TENM2: variants seen among roughly 807,000 people sequenced by gnomAD.
The protein encoded by TENM2 is teneurin transmembrane protein 2, also known as teneurin-2.
Under a neutral mutation model 245.2 loss-of-function variants are expected in TENM2, and 52 were observed. The observed-to-expected ratio is 0.21, with a 90% confidence interval of 0.17 to 0.27. The LOEUF is 0.27. Ranked by LOEUF, TENM2 falls within the 10% of genes least tolerant of loss-of-function variation. The pLI is 1.00. For synonymous variants in TENM2, 1,363 were observed against 1,438.9 expected (o/e 0.95, Z 1.19); for missense variants, 3,046 against 3,666.8 (o/e 0.83, Z 4.37).
chr5:167,784,802 G>A (rs762550749), intron 2 of TENM2, among the ~76,000 whole-genome samples: 8 of 152,154 alleles, frequency 5.3e-5, no homozygotes, highest in Non-Finnish European at 7.4e-5. Flanking sequence ...ATGTGTACCC[G>A]TATCTCATCA....
chr5:167,069,177 C>G, the TENM2 span, among the ~76,000 whole-genome samples: 1 of 152,132 alleles, frequency 6.6e-6, no homozygotes, highest in African/African-American at 2.4e-5. Flanking sequence ...AGCCTATAAA[C>G]TTAATTTCCA....
At chr5:167,467,330 A>C (rs1482626180) in intron 2 of TENM2, among the ~76,000 whole-genome samples, 2 of 152,076 alleles carry the variant, frequency 1.3e-5, no homozygotes, top group African/African-American at 4.8e-5. Flanking sequence ...CATGATTGAA[A>C]GTTACCTGAG....
Position 168,244,534 on chromosome 5 carries a change from C to T in TENM2, c.5635C>T (p.Pro1879Ser), listed in dbSNP as rs1223081714. ...GATCATTTATGACCAGGTGGGCCGCCCCTTCCTCTGGCTGCCCAGCAGCGG... is the reference window on the plus strand; with the variant it reads ...GATCATTTATGACCAGGTGGGCCGCTCCTTCCTCTGGCTGCCCAGCAGCGG... Residue 1879 changes from proline (P) to serine (S), a missense_variant, in exon 26 of 29, where the codon CCC becomes TCC. Pro to Ser is a moderately conservative substitution (Grantham distance 74). Coordinates refer to ENST00000518659, the Ensembl canonical transcript of TENM2. The surrounding 1 kb of genome is among the most constrained non-coding windows in gnomAD (Gnocchi z 4.9). The T allele has an allele frequency of 1.2e-6, 2 of 1,612,506 alleles. No homozygotes were observed. The highest frequency in any genetic ancestry group is 1.1e-5 in the South Asian group (1 of 90,700).
At chr5:167,899,490 G>C (rs566158966) in intron 3 of TENM2, among the ~76,000 whole-genome samples, 8 of 152,330 alleles carry the variant, frequency 5.3e-5, no homozygotes, top group African/African-American at 1.9e-4. Flanking sequence ...AGTGCCTTGC[G>C]TTAATTCAAC....
intron 8 of TENM2, among the ~76,000 whole-genome samples, chr5:168,093,566 A>G (rs538443052): frequency 6.6e-6 from 1 of 152,312 alleles, no homozygotes; most frequent in East Asian, 1.9e-4. Flanking sequence ...CAGCGATCAC[A>G]CTAAATATAT....
chr5:167,609,643 C>T (rs1399643539), intron 2 of TENM2, among the ~76,000 whole-genome samples: 6 of 151,932 alleles, frequency 3.9e-5, no homozygotes, highest in Admixed American at 6.6e-5. Context: ...AGTGAACTTC[C>T]GGTAGGGCAC....
At chr5:167,147,212 A>G in the TENM2 span, among the ~76,000 whole-genome samples, 1 of 152,204 alleles carries the variant, frequency 6.6e-6, no homozygotes, top group Non-Finnish European at 1.5e-5. Flanking sequence ...ATTGTATTTA[A>G]ATATGCTAAT....
intron 5 of TENM2, among the ~76,000 whole-genome samples, chr5:168,044,107 A>G (rs1318003455): frequency 6.6e-6 from 1 of 152,202 alleles, no homozygotes; most frequent in Non-Finnish European, 1.5e-5. Flanking sequence ...CTACTATGGT[A>G]CCTGGCTATA....
intron 2 of TENM2, chr5:167,653,237 A>G (rs889773189): frequency 6.6e-6 from 1 of 152,078 alleles, no homozygotes; most frequent in African/African-American, 2.4e-5. Flanking sequence ...GTAACAGGGA[A>G]GTAATTTTAT....
At chr5:167,443,604 A>G (rs1384333601) in intron 2 of TENM2, among the ~76,000 whole-genome samples, 1 of 152,240 alleles carries the variant, frequency 6.6e-6, no homozygotes, top group Non-Finnish European at 1.5e-5. Flanking sequence ...TTCTCTTAGC[A>G]GATGGATTAT....
intron 4 of TENM2, among the ~76,000 whole-genome samples, chr5:167,969,172 C>A (rs1208870280): frequency 6.6e-6 from 1 of 152,072 alleles, no homozygotes; most frequent in Non-Finnish European, 1.5e-5. Flanking sequence ...GTGTTGACAC[C>A]CAAATCTCAT....
the TENM2 span, among the ~76,000 whole-genome samples, chr5:167,084,351 A>ATG: frequency 5.5e-5 from 6 of 108,860 alleles, no homozygotes; most frequent in African/African-American, 1.9e-4. Flanking sequence ...ATATATATAT[A>ATG]TATATATATA....
At chr5:167,693,585 C>T (rs538861761) in intron 2 of TENM2, among the ~76,000 whole-genome samples, 3 of 141,340 alleles carry the variant, frequency 2.1e-5, no homozygotes, top group East Asian at 2.4e-4. Flanking sequence ...TGCCAAACAT[C>T]GGTGCTCCTC....
rs574614178 is a variant in TENM2, at chr5:168,059,143, A to G, written c.1310-2917A>G. Among the ~76,000 whole-genome samples the G allele has an allele frequency of 1.4e-4, 21 of 152,226 alleles. 1 individual carries two copies. The South Asian group carries it at 3.7e-3, about 27-fold the overall frequency. The stretch of plus-strand genomic sequence containing the variant: ...GTAGCCTGTGCTGGCTGGTAGTGGG[A>G]GCTAATTTAGTCAGTGTCCTGAGGC... On this transcript the variant is annotated intron_variant, in intron 6 of 28. Coordinates refer to ENST00000518659, the Ensembl canonical transcript of TENM2.
intron 4 of TENM2, among the ~76,000 whole-genome samples, chr5:167,967,723 C>G (rs1349447553): frequency 6.6e-6 from 1 of 152,210 alleles, no homozygotes; most frequent in Non-Finnish European, 1.5e-5. Context: ...AAGAGCAAGA[C>G]TTTGCCCTGA....
intron 5 of TENM2, among the ~76,000 whole-genome samples, chr5:168,006,704 G>C (rs554505833): frequency 6.6e-6 from 1 of 152,264 alleles, no homozygotes; most frequent in African/African-American, 2.4e-5. Flanking sequence ...CCTGTTCACG[G>C]AGCCACAGCT....
At chr5:168,147,983 A>T in intron 12 of TENM2, among the ~76,000 whole-genome samples, 1 of 152,070 alleles carries the variant, frequency 6.6e-6, no homozygotes, top group Non-Finnish European at 1.5e-5. Context: ...GGAAGATGAA[A>T]CTCTGAGATG....
At chr5:167,715,167 A>G (rs1360708378) in intron 2 of TENM2, among the ~76,000 whole-genome samples, 1 of 152,124 alleles carries the variant, frequency 6.6e-6, no homozygotes, top group Non-Finnish European at 1.5e-5. Context: ...GTACATAATC[A>G]ATGGACAATG....
intron 2 of TENM2, among the ~76,000 whole-genome samples, chr5:167,698,405 C>A (rs2150428803): frequency 6.6e-6 from 1 of 152,296 alleles, no homozygotes; most frequent in East Asian, 1.9e-4. Flanking sequence ...TCTGTCTCTC[C>A]ATCAGGCTCC....
Sources: allele counts gnomAD v4.1 joint callset (sites outside exome capture counted in the v4.1 genomes callset), GRCh38; gene constraint gnomAD v4.1.1; non-coding constraint Gnocchi (gnomAD v3.1); transcripts MANE v1.5; gene names NCBI Gene and HGNC (gene_info 2026-07-23, HGNC 2026-07-21).